Variants in PTPRN2 observed in about 807,000 individuals in gnomAD.
PTPRN2 encodes the protein receptor-type tyrosine-protein phosphatase N2.
In PTPRN2, 74 loss-of-function variants were observed where a neutral mutation model predicts 118.8. That is an observed-to-expected ratio of 0.62 (90% CI 0.52 to 0.76). PTPRN2 has a LOEUF of 0.76. Among genes scored for constraint, PTPRN2 ranks in the 30% least tolerant of loss-of-function variants. The pLI is 0.00. For synonymous variants in PTPRN2, 641 were observed against 608.0 expected, an observed-to-expected ratio of 1.05 and a Z score of -0.80; for missense variants, 1,481 against 1,394.4, an observed-to-expected ratio of 1.06 and a Z score of -0.99.
chr7:157,810,460 G>A (rs114355117), intron 12 of PTPRN2, among the ~76,000 whole-genome samples: 2,922 of 150,744 alleles, frequency 0.019, 89 homozygotes, highest in African/African-American at 0.065. Flanking sequence ...CTGGGCACAG[G>A]CTCTCCACGG....
chr7:157,568,227 G>A (rs1036374229), intron 21 of PTPRN2, among the ~76,000 whole-genome samples: 6 of 152,192 alleles, frequency 3.9e-5, no homozygotes, highest in African/African-American at 1.4e-4. Flanking sequence ...TGCGCCTCAT[G>A]TCTAAGACTC....
chr7:157,970,479 G>A (rs892233149), intron 11 of PTPRN2, among the ~76,000 whole-genome samples: 1 of 152,236 alleles, frequency 6.6e-6, no homozygotes, highest in African/African-American at 2.4e-5. Flanking sequence ...TGAAAATAGA[G>A]CAGAGCAGGG....
intron 11 of PTPRN2, among the ~76,000 whole-genome samples, chr7:158,057,675 T>C (rs1053259420): frequency 6.6e-6 from 1 of 152,010 alleles, no homozygotes; most frequent in Non-Finnish European, 1.5e-5. Context: ...CCCCACTTCC[T>C]CATGAGGAAA....
intron 2 of PTPRN2, among the ~76,000 whole-genome samples, chr7:158,380,139 T>C (rs902318206): frequency 1.3e-5 from 2 of 152,192 alleles, no homozygotes; most frequent in African/African-American, 4.8e-5. Context: ...ATTATGCCCC[T>C]GGCCTCTCCC....
intron 2 of PTPRN2, among the ~76,000 whole-genome samples, chr7:158,380,311 A>T (rs1335243247): frequency 6.6e-6 from 1 of 152,228 alleles, no homozygotes; most frequent in African/African-American, 2.4e-5. Context: ...AAAACAAGTT[A>T]CTTGTTTCCT....
intron 15 of PTPRN2, chr7:157,616,300 A>C (rs1585116666): frequency 6.6e-6 from 1 of 152,342 alleles, no homozygotes. Flanking sequence ...TGACAACCCC[A>C]CCGGCACTGT....
At chr7:158,449,060 G>A (rs953762131) in intron 2 of PTPRN2, among the ~76,000 whole-genome samples, 3 of 152,194 alleles carry the variant, frequency 2.0e-5, no homozygotes, top group Non-Finnish European at 4.4e-5. Flanking sequence ...TGTGGGACTC[G>A]GCACCACCTG....
intron 2 of PTPRN2, among the ~76,000 whole-genome samples, chr7:158,370,173 C>A (rs62480518): frequency 0.093 from 14,156 of 152,264 alleles, 816 homozygotes; most frequent in East Asian, 0.17. Context: ...CGCAGTGGCT[C>A]ATGCCTGTAA....
intron 3 of PTPRN2, among the ~76,000 whole-genome samples, chr7:158,256,915 C>G (rs1797057022): frequency 6.6e-6 from 1 of 152,142 alleles, no homozygotes. Flanking sequence ...TGAGTTTATT[C>G]TGCCAAAACG....
At chr7:157,721,175 C>G (rs990356641) in intron 12 of PTPRN2, among the ~76,000 whole-genome samples, 4 of 152,156 alleles carry the variant, frequency 2.6e-5, no homozygotes, top group Non-Finnish European at 5.9e-5. Flanking sequence ...AACAGCTGTT[C>G]CCCGGCACAG....
chr7:157,543,067 G>T (rs1798091215), intron 22 of PTPRN2, among the ~76,000 whole-genome samples: 1 of 152,188 alleles, frequency 6.6e-6, no homozygotes, highest in Non-Finnish European at 1.5e-5. Flanking sequence ...TCCCGGGTAG[G>T]CTGGGAAAAC....
intron 11 of PTPRN2, among the ~76,000 whole-genome samples, chr7:158,063,529 C>T (rs975220613): frequency 6.6e-6 from 1 of 152,210 alleles, no homozygotes; most frequent in Non-Finnish European, 1.5e-5. Flanking sequence ...CTTGGGTCCC[C>T]TTTCACATTG....
At chr7:158,473,812 G>A (rs975862250) in intron 2 of PTPRN2, among the ~76,000 whole-genome samples, 1 of 151,972 alleles carries the variant, frequency 6.6e-6, no homozygotes, top group Non-Finnish European at 1.5e-5. Context: ...AAAAAAGGTT[G>A]GCTATAAATA....
At chr7:157,571,621 G>A in intron 19 of PTPRN2, 128 bp from the exon 20 acceptor site, 3 of 635,568 alleles carry the variant, frequency 4.7e-6, no homozygotes, top group East Asian at 2.9e-5. Context: ...TTTTGACGGA[G>A]AAAATAAAAA....
intron 2 of PTPRN2, among the ~76,000 whole-genome samples, chr7:158,348,294 C>T (rs1807673416): frequency 6.9e-6 from 1 of 145,010 alleles, no homozygotes; most frequent in South Asian, 2.1e-4. Flanking sequence ...CCAGAGCCAC[C>T]CTGGGTTCCC....
chr7:158,188,131 A>C (rs1367681520), intron 5 of PTPRN2, among the ~76,000 whole-genome samples: 1 of 144,878 alleles, frequency 6.9e-6, no homozygotes, highest in African/African-American at 2.5e-5. Context: ...GTCCTAGTGC[A>C]GAGGCAGCCA....
At chr7:158,329,565 G>C (rs1173141878) in intron 2 of PTPRN2, among the ~76,000 whole-genome samples, 1 of 152,206 alleles carries the variant, frequency 6.6e-6, no homozygotes, top group Non-Finnish European at 1.5e-5. Context: ...GGACTCGCCA[G>C]ACACCAGACG....
rs1258463610 is a variant in PTPRN2 at position 157,610,436 on chromosome 7, T to A, written c.2345-6361A>T. Among the ~76,000 whole-genome samples, 1 of 152,194 alleles carries A rather than the reference T, an allele frequency of 6.6e-6. No individual in the cohort carries two copies. Among genetic ancestry groups the A allele is most frequent in the Non-Finnish European group, 1.5e-5 (1 of 68,024 alleles). ...AGAGGTGGAGCCGGTGTCTTGCTCC[T>A]AGAGGGAGTCCTGACTCCAGCAGAG... is the stretch of plus-strand genomic sequence containing the variant. On this transcript the variant is annotated intron_variant, in intron 15 of 22. Coordinates refer to ENST00000389418, the MANE Select transcript of PTPRN2 (RefSeq NM_002847.5). This position sits in a 1 kb window ranked among gnomAD's most constrained non-coding sequence, Gnocchi z 5.1.
chr7:158,385,349 G>T (rs1811255874), intron 2 of PTPRN2, among the ~76,000 whole-genome samples: 1 of 152,204 alleles, frequency 6.6e-6, no homozygotes, highest in Non-Finnish European at 1.5e-5. Context: ...GTACTCTGAT[G>T]ACATTTCAGA....
Sources: gnomAD v4.1 joint callset for allele counts (sites outside exome capture counted in the v4.1 genomes callset) on GRCh38, gnomAD v4.1.1 for gene constraint, Gnocchi (gnomAD v3.1) non-coding constraint, MANE v1.5 for transcripts, NCBI Gene and HGNC (gene_info 2026-07-23, HGNC 2026-07-21) for gene names.